The following ST6GAL1 variants were observed in gnomAD, a reference collection of about 807,000 sequenced individuals.
ST6GAL1 encodes the protein beta-galactoside alpha-2,6-sialyltransferase 1.
Under a neutral mutation model 38.0 loss-of-function variants are expected in ST6GAL1, and 20 were observed. The ratio of observed to expected loss-of-function variants is 0.53; its 90% confidence interval spans 0.37 to 0.77. The LOEUF (loss-of-function observed/expected upper bound fraction) is 0.77, where lower values mean the gene tolerates loss of function less well. Ranked by LOEUF, ST6GAL1 falls within the 30% of genes least tolerant of loss-of-function variation. The pLI is 0.00. For synonymous variants in ST6GAL1, 196 were observed against 188.2 expected, an observed-to-expected ratio of 1.04 and a Z score of -0.34; for missense variants, 432 against 496.4, an observed-to-expected ratio of 0.87 and a Z score of 1.23.
chr3:187,066,361 CT>C (rs1719129454), intron 5 of ST6GAL1, among the ~76,000 whole-genome samples: 1 of 152,054 alleles, frequency 6.6e-6, no homozygotes. Flanking sequence ...CTGCGGGTCT[CT>C]TCTTGTTGTA....
chr3:186,938,210 T>G (rs987297965), intron 1 of ST6GAL1, among the ~76,000 whole-genome samples: 1 of 152,250 alleles, frequency 6.6e-6, no homozygotes, highest in African/African-American at 2.4e-5. Flanking sequence ...TAAAACTTCA[T>G]GGATTTAGTT....
intron 2 of ST6GAL1, among the ~76,000 whole-genome samples, chr3:186,986,156 T>G (rs1042757749): frequency 3.3e-5 from 5 of 152,136 alleles, no homozygotes; most frequent in African/African-American, 1.2e-4. Context: ...GGTTGCCGTT[T>G]GAGGAAGTGA....
intron 2 of ST6GAL1, among the ~76,000 whole-genome samples, chr3:187,008,476 A>C (rs1327086606): frequency 1.3e-5 from 2 of 152,166 alleles, no homozygotes; most frequent in Non-Finnish European, 2.9e-5. Flanking sequence ...CCGTCTTTAG[A>C]ATGCTGGAAG....
At chr3:186,987,429 G>A (rs1215145213) in intron 2 of ST6GAL1, among the ~76,000 whole-genome samples, 1 of 152,160 alleles carries the variant, frequency 6.6e-6, no homozygotes, top group African/African-American at 2.4e-5. Context: ...GATACAACAA[G>A]CCTTTGGGGG....
At chr3:186,966,196 G>A (rs932874286) in intron 2 of ST6GAL1, among the ~76,000 whole-genome samples, 7 of 152,112 alleles carry the variant, frequency 4.6e-5, no homozygotes, top group African/African-American at 1.4e-4. Flanking sequence ...CATCGTGCCC[G>A]ACCTAACTGA....
chr3:187,055,381 C>T (rs1718662175), intron 5 of ST6GAL1, among the ~76,000 whole-genome samples: 1 of 152,022 alleles, frequency 6.6e-6, no homozygotes, highest in African/African-American at 2.4e-5. Context: ...TTCTCTAGTT[C>T]TTTTAATTGT....
At chr3:186,947,661 C>G (rs1355603505) in intron 1 of ST6GAL1, among the ~76,000 whole-genome samples, 1 of 152,070 alleles carries the variant, frequency 6.6e-6, no homozygotes, top group African/African-American at 2.4e-5. Flanking sequence ...ACATGATGGT[C>G]CAGACTCCAC....
intron 2 of ST6GAL1, among the ~76,000 whole-genome samples, chr3:186,977,746 A>T (rs541184035): frequency 1.3e-5 from 2 of 152,334 alleles, no homozygotes; most frequent in Non-Finnish European, 2.9e-5. Flanking sequence ...GGATTTTATC[A>T]CATCATATAA....
chr3:186,961,375 C>T (rs1714931341), intron 1 of ST6GAL1, among the ~76,000 whole-genome samples: 1 of 152,156 alleles, frequency 6.6e-6, no homozygotes, highest in African/African-American at 2.4e-5. Context: ...AGTCTTTTTT[C>T]ACAGTTGCAG....
rs1716713793 is a variant in ST6GAL1 at position 187,004,378 on chromosome 3, C to A, written c.-182-34364C>A. Among the ~76,000 whole-genome samples the A allele has an allele frequency of 1.3e-5, 2 of 152,252 alleles. 1 individual carries two copies. Among genetic ancestry groups the A allele is most frequent in the South Asian group, 4.1e-4 (2 of 4,832 alleles). On this transcript the variant is annotated intron_variant, in intron 2 of 7. Transcript: ENST00000169298. ...TATGACTAGCAAGTGGCAGAGCCAGCCCCAGAGCCCAGGACTTTTCCTAAG... is the reference window on the plus strand; with the variant it reads ...TATGACTAGCAAGTGGCAGAGCCAGACCCAGAGCCCAGGACTTTTCCTAAG...
intron 1 of ST6GAL1, among the ~76,000 whole-genome samples, chr3:186,941,836 C>T (rs1714187680): frequency 1.3e-5 from 2 of 151,978 alleles, no homozygotes; most frequent in South Asian, 4.2e-4. Flanking sequence ...CACAGTGAAA[C>T]CCCGTCTCTA....
At chr3:187,000,815 T>C (rs1716593403) in intron 2 of ST6GAL1, among the ~76,000 whole-genome samples, 1 of 152,262 alleles carries the variant, frequency 6.6e-6, no homozygotes, top group Non-Finnish European at 1.5e-5. Flanking sequence ...AAGGTTTCAC[T>C]TCTGTTTTCC....
intron 5 of ST6GAL1, among the ~76,000 whole-genome samples, chr3:187,071,036 C>T (rs1054376998): frequency 2.0e-5 from 3 of 152,146 alleles, no homozygotes; most frequent in African/African-American, 2.4e-5. Context: ...TGTAGAGGCT[C>T]GTGGCAGATT....
intron 6 of ST6GAL1, 62 bp from the exon 7 acceptor site, chr3:187,074,097 C>A: frequency 6.8e-7 from 1 of 1,481,096 alleles, no homozygotes; most frequent in South Asian, 1.4e-5. Context: ...GAAGATGACT[C>A]CTGGGGGGAG....
chr3:187,008,857 TTCTC>T (rs140725978), intron 2 of ST6GAL1, among the ~76,000 whole-genome samples: 108 of 152,244 alleles, frequency 7.1e-4, no homozygotes, highest in Non-Finnish European at 1.3e-3. Flanking sequence ...TTTTTGGTTT[TTCTC>T]TCTCTGTCTC....
chr3:186,998,057 G>A (rs1041592149), intron 2 of ST6GAL1, among the ~76,000 whole-genome samples: 6 of 152,064 alleles, frequency 3.9e-5, no homozygotes, highest in African/African-American at 1.2e-4. Context: ...GACCAGCCTG[G>A]GCAACACCCT....
At chr3:186,953,506 C>T (rs916093407) in intron 1 of ST6GAL1, among the ~76,000 whole-genome samples, 5 of 152,172 alleles carry the variant, frequency 3.3e-5, no homozygotes, top group Non-Finnish European at 5.9e-5. Flanking sequence ...TTATAATCTC[C>T]TGCCTGTCTC....
intron 2 of ST6GAL1, among the ~76,000 whole-genome samples, chr3:187,030,490 G>T (rs1246847342): frequency 6.6e-6 from 1 of 152,162 alleles, no homozygotes; most frequent in Admixed American, 6.5e-5. Context: ...CTGGAGTGCA[G>T]TGGTGCAATC....
chr3:186,966,022 C>A (rs1390141298), intron 2 of ST6GAL1, among the ~76,000 whole-genome samples: 2 of 152,176 alleles, frequency 1.3e-5, no homozygotes, highest in African/African-American at 4.8e-5. Context: ...CCTCAGCCTC[C>A]CGAGTAGCTG....
Sources: gnomAD v4.1 joint callset for allele counts (sites outside exome capture counted in the v4.1 genomes callset) on GRCh38, gnomAD v4.1.1 for gene constraint, MANE v1.5 for transcripts, NCBI Gene and HGNC (gene_info 2026-07-23, HGNC 2026-07-21) for gene names.